RABGAP1L: variants seen among roughly 807,000 people sequenced by gnomAD.
RABGAP1L encodes the protein rab GTPase-activating protein 1-like.
A neutral mutation model predicts 137.7 loss-of-function variants in RABGAP1L; 63 were observed. The observed-to-expected ratio is 0.46, with a 90% CI of 0.37 to 0.56. The LOEUF (loss-of-function observed/expected upper bound fraction) is 0.56, where lower values mean the gene tolerates loss of function less well. Among genes scored for constraint, RABGAP1L ranks in the 20% least tolerant of loss-of-function variants. The pLI is 0.00. For missense variants in RABGAP1L, 1,095 were observed against 1,244.0 expected, an observed-to-expected ratio of 0.88 and a Z score of 1.80; for synonymous variants, 431 against 433.7, an observed-to-expected ratio of 0.99 and a Z score of 0.08.
intron 13 of RABGAP1L, among the ~76,000 whole-genome samples, chr1:174,583,579 C>T (rs1431140500): frequency 1.3e-5 from 2 of 152,102 alleles, no homozygotes; most frequent in African/African-American, 2.4e-5. Flanking sequence ...AATCATGATT[C>T]ACCAATGGAG....
At chr1:174,902,549 T>C (rs1658324026) in intron 19 of RABGAP1L, among the ~76,000 whole-genome samples, 1 of 152,140 alleles carries the variant, frequency 6.6e-6, no homozygotes, top group African/African-American at 2.4e-5. Flanking sequence ...AACTCCTGGG[T>C]CTCTGCATGT....
At chr1:174,984,046 A>T (rs373191137) in intron 24 of RABGAP1L, among the ~76,000 whole-genome samples, 137 of 60,880 alleles carry the variant, frequency 2.3e-3, no homozygotes, top group African/African-American at 4.0e-3. Flanking sequence ...TTTTTTTTGT[A>T]TTTCTTCTAA....
At chr1:174,673,271 C>A (rs1269650603) in intron 14 of RABGAP1L, among the ~76,000 whole-genome samples, 1 of 152,160 alleles carries the variant, frequency 6.6e-6, no homozygotes, top group East Asian at 1.9e-4. Context: ...GGTCATTTCA[C>A]ATTCATTAGA....
chr1:174,242,557 G>A (rs576250994), intron 5 of RABGAP1L, among the ~76,000 whole-genome samples: 6 of 152,280 alleles, frequency 3.9e-5, no homozygotes, highest in South Asian at 2.1e-4. Context: ...TATTTCTGGC[G>A]ACAAAATGGG....
At chr1:174,786,447 G>A (rs562148417) in intron 18 of RABGAP1L, among the ~76,000 whole-genome samples, 1 of 152,248 alleles carries the variant, frequency 6.6e-6, no homozygotes, top group East Asian at 1.9e-4. Context: ...ATTGTACACA[G>A]TAAAATCCAA....
At chr1:174,612,523 T>G (rs1329707453) in intron 13 of RABGAP1L, among the ~76,000 whole-genome samples, 3 of 152,198 alleles carry the variant, frequency 2.0e-5, no homozygotes, top group Admixed American at 1.3e-4. Flanking sequence ...TTCTCTTTTT[T>G]GGTTGTGTCT....
intron 17 of RABGAP1L, among the ~76,000 whole-genome samples, chr1:174,727,785 A>G (rs759227441): frequency 8.5e-5 from 13 of 152,232 alleles, no homozygotes; most frequent in Admixed American, 5.2e-4. Context: ...TCACATTGTA[A>G]GCAATAATAT....
intron 13 of RABGAP1L, among the ~76,000 whole-genome samples, chr1:174,620,163 A>G (rs371333458): frequency 6.6e-6 from 1 of 152,220 alleles, no homozygotes; most frequent in African/African-American, 2.4e-5. Context: ...CAAGAGACTT[A>G]GACTCCCACA....
chr1:174,710,583 A>T (rs1680403492), intron 17 of RABGAP1L, among the ~76,000 whole-genome samples: 1 of 152,230 alleles, frequency 6.6e-6, no homozygotes, highest in African/African-American at 2.4e-5. Flanking sequence ...ACTAAGCTTC[A>T]TAAGTGAAGG....
chr1:174,353,839 C>G (rs760014039), intron 11 of RABGAP1L, among the ~76,000 whole-genome samples: 3 of 152,216 alleles, frequency 2.0e-5, no homozygotes, highest in Non-Finnish European at 2.9e-5. Context: ...TTTTTCCTCA[C>G]TGCAGTGCCT....
intron 11 of RABGAP1L, chr1:174,367,939 C>A (rs1304486097): frequency 6.5e-6 from 1 of 153,546 alleles, no homozygotes; most frequent in African/African-American, 2.4e-5. Context: ...TGACACCAGC[C>A]AAAGACATAC....
At chr1:174,580,295 G>A (rs564393056) in intron 13 of RABGAP1L, among the ~76,000 whole-genome samples, 1 of 152,256 alleles carries the variant, frequency 6.6e-6, no homozygotes, top group East Asian at 1.9e-4. Flanking sequence ...ATGCCCAAAG[G>A]ATTATAAATC....
intron 19 of RABGAP1L, among the ~76,000 whole-genome samples, chr1:174,925,455 C>T (rs1662619891): frequency 6.7e-6 from 1 of 150,370 alleles, no homozygotes; most frequent in African/African-American, 2.4e-5. Context: ...CCGGAGGAAC[C>T]ACAAGGAGGC....
chr1:174,952,052 T>A (rs981601065), intron 19 of RABGAP1L, among the ~76,000 whole-genome samples: 1 of 152,184 alleles, frequency 6.6e-6, no homozygotes, highest in African/African-American at 2.4e-5. Flanking sequence ...TCTTTTCAAG[T>A]TACTACAGTG....
chr1:174,850,142 G>A, intron 19 of RABGAP1L: 2 of 467,962 alleles, frequency 4.3e-6, no homozygotes, highest in Middle Eastern at 3.8e-4. Context: ...TGAAATTCCT[G>A]ATCCTGCGAG....
intron 25 of RABGAP1L, among the ~76,000 whole-genome samples, chr1:174,989,543 G>T (rs541992845): frequency 5.0e-4 from 76 of 152,230 alleles, no homozygotes; most frequent in Non-Finnish European, 8.8e-5. Context: ...TTTATTTGTG[G>T]TTTTTAAACC....
chr1:174,204,855 A>G (rs961367623), intron 1 of RABGAP1L, among the ~76,000 whole-genome samples: 2 of 151,992 alleles, frequency 1.3e-5, no homozygotes, highest in East Asian at 1.9e-4. Context: ...CTGCTCCTCC[A>G]TGGTAAGATG....
chr1:174,672,717 TG>T (rs1196892730), intron 14 of RABGAP1L, among the ~76,000 whole-genome samples: 2 of 152,000 alleles, frequency 1.3e-5, no homozygotes, highest in East Asian at 3.9e-4. Flanking sequence ...ATTGACTTAT[TG>T]ATTGTTCAGG....
At chr1:174,516,890 G>A (rs1015736586) in intron 13 of RABGAP1L, among the ~76,000 whole-genome samples, 1 of 151,212 alleles carries the variant, frequency 6.6e-6, no homozygotes, top group Non-Finnish European at 1.5e-5. Context: ...TCGTGCCACT[G>A]TACTCCAGCC....
Sources: gnomAD v4.1 joint callset for allele counts (sites outside exome capture counted in the v4.1 genomes callset) on GRCh38, gnomAD v4.1.1 for gene constraint, MANE v1.5 for transcripts, NCBI Gene and HGNC (gene_info 2026-07-23, HGNC 2026-07-21) for gene names.